FEZF1: variants seen among roughly 807,000 people sequenced by gnomAD.
FEZF1 encodes the protein FEZ family zinc finger 1.
FEZF1 carries 8 observed loss-of-function variants against 32.4 expected under a neutral mutation model. That is an observed-to-expected ratio of 0.25 (90% CI 0.15 to 0.45). FEZF1 has a LOEUF of 0.45. Ranked by LOEUF, FEZF1 falls within the 20% of genes least tolerant of loss-of-function variation. The pLI is 1.00. For missense variants in FEZF1, 546 were observed against 622.3 expected (o/e 0.88, Z 1.31); for synonymous variants, 259 against 265.2 (o/e 0.98, Z 0.23).
Position 122,304,615 on chromosome 7 carries a change from C to A in FEZF1, c.-178G>T. ...GCCTGCCCAGCCCAATGGACTCCTG[C>A]CAGCCCATCGCAGAGTTCTTGGCGC... On this transcript the variant is annotated 5_prime_UTR_variant, in exon 1 of 4. Coordinates refer to ENST00000442488, the MANE Select transcript of FEZF1 (RefSeq NM_001024613.4). 2.1e-6 allele frequency: 1 copy of A among 479,902 alleles called. No homozygotes were observed. The highest frequency in any genetic ancestry group is 3.4e-5 in the East Asian group (1 of 29,822). The allele number at this position is 479,902 out of a possible 1,614,324, so 29.7% of individuals were successfully genotyped here.
Position 122,303,512 on chromosome 7 carries a change from A to G in FEZF1, c.801+125T>C, listed in dbSNP as rs190075869. ...AAGGAAGGAAGGAAGGAAGGAAGGA[A>G]GGAAGGAAGGAAGGAAGGAAGGAAG... On this transcript the variant is annotated intron_variant, in intron 1 of 3. Coordinates refer to ENST00000442488, the MANE Select transcript of FEZF1 (RefSeq NM_001024613.4). 7,248 of 498,080 alleles carry G rather than the reference A, an allele frequency of 0.015. 89 individuals carry two copies. The highest frequency in any genetic ancestry group is 0.056 in the East Asian group (1,532 of 27,486). 30.9% of individuals were successfully genotyped at this position (498,080 alleles called of 1,614,324 possible).
Position 122,302,835 on chromosome 7 carries a change from C to G in FEZF1, c.1033G>C (p.Val345Leu). The change falls in exon 3 of 4, where the codon GTG becomes CTG. Residue 345 changes from valine to leucine, a missense_variant. Around this residue, in one of 3 missense-constraint regions of FEZF1, gnomAD observed 118 missense variants for 188.7 expected, o/e 0.63. Transcript: ENST00000442488. The surrounding 1 kb of genome is among the most constrained non-coding windows in gnomAD (Gnocchi z 4.4). The stretch of plus-strand genomic sequence containing the variant: ...AACCCTTTGCCACAGAATTCACACA[C>G]AAACGGTTTGTAGCCCGCGTGTATT... ...TRIHAGYKPFVCEFCGKGFHQ... is the reference protein window; with the variant it reads ...TRIHAGYKPFLCEFCGKGFHQ... 1 of 1,614,070 alleles carries G rather than the reference C, an allele frequency of 6.2e-7. No homozygotes were observed. Among genetic ancestry groups the G allele is most frequent in the Non-Finnish European group, 8.5e-7 (1 of 1,180,012 alleles).
Position 122,302,381 on chromosome 7 carries a change from T to C in FEZF1, c.1070-26A>G, listed in dbSNP as rs919997392. 1 of 1,609,182 alleles carries C rather than the reference T, an allele frequency of 6.2e-7. No individual in the cohort carries two copies. The highest frequency in any genetic ancestry group is 1.7e-5 in the Admixed American group (1 of 59,712). ...CTGAAACACACAAATGACAGGAATA[T>C]GGTTCTGAAAAAAAAAATAGCTTAA... On this transcript the variant is annotated intron_variant, in intron 3 of 3. Coordinates refer to ENST00000442488, the MANE Select transcript of FEZF1 (RefSeq NM_001024613.4). The surrounding 1 kb of genome is among the most constrained non-coding windows in gnomAD (Gnocchi z 4.4).
At chr7:122,303,456 A>C in intron 1 of FEZF1, 145 bp from the exon 2 acceptor site, 1 of 1,052,226 alleles carries the variant, frequency 9.5e-7, no homozygotes, top group South Asian at 1.6e-5. Flanking sequence ...GGAGGAAGGA[A>C]AGGAGGAGCG....
chr7:122,310,494 C>G (rs1478977098), exon 1 of FEZF1: 2 of 152,292 alleles, frequency 1.3e-5, no homozygotes, highest in Non-Finnish European at 2.9e-5. Context: ...GTGACGTTGG[C>G]AAGGCCGAGG....
At chr7:122,308,709 A>G (rs1315307521), upstream of FEZF1, among the ~76,000 whole-genome samples, 2 of 152,134 alleles carry the variant, frequency 1.3e-5, no homozygotes, top group Non-Finnish European at 2.9e-5. Context: ...TAGTTCATTG[A>G]CTTGTCCCTG....
Position 122,302,404 on chromosome 7 carries a change from TA to T in FEZF1, c.1070-50del. On this transcript the variant is annotated intron_variant, in intron 3 of 3. Transcript: ENST00000442488. The surrounding 1 kb of genome is among the most constrained non-coding windows in gnomAD (Gnocchi z 4.4). ...TATGGTTCTGAAAAAAAAAATAGCT[TA>T]AAAAGGGAGGAGCAGACACGTGGAA... 6.2e-7 allele frequency: 1 copy of T among 1,609,816 alleles called. No individual in the cohort carries two copies. Among genetic ancestry groups the T allele is most frequent in the Non-Finnish European group, 8.5e-7 (1 of 1,179,134 alleles).
Position 122,301,962 on chromosome 7 carries a change from G to A in FEZF1, c.*35C>T, listed in dbSNP as rs1727443088. The A allele has an allele frequency of 1.3e-6, 2 of 1,550,452 alleles. No homozygotes were observed. The highest frequency in any genetic ancestry group is 1.2e-5 in the South Asian group (1 of 84,330). On this transcript the variant is annotated 3_prime_UTR_variant, in exon 4 of 4. Coordinates refer to ENST00000442488, the MANE Select transcript of FEZF1 (RefSeq NM_001024613.4). ...TAGTCTGCCGCTGCCTCAGCGTGGG[G>A]GCACGGCTGAGGCTGGGAGGACCCT...
rs11760936 is a variant in FEZF1 at position 122,302,483 on chromosome 7, G to T, written c.1070-128C>A. On this transcript the variant is annotated intron_variant, in intron 3 of 3. Transcript: ENST00000442488. The surrounding 1 kb of genome is among the most constrained non-coding windows in gnomAD (Gnocchi z 4.4). ...CCACAGGTCCCACAACAAGTGCAGG[G>T]CTACTATCTGTGCCTGCACTTGTCT... 7.2e-7 allele frequency: 1 copy of T among 1,385,150 alleles called. No homozygotes were observed. Among genetic ancestry groups the T allele is most frequent in the African/African-American group, 1.5e-5 (1 of 68,610 alleles). 85.8% of individuals were successfully genotyped at this position (1,385,150 alleles called of 1,614,324 possible).
upstream of FEZF1, chr7:122,305,601 C>A (rs1239851579): frequency 1.3e-5 from 2 of 152,268 alleles, no homozygotes; most frequent in Non-Finnish European, 2.9e-5. Flanking sequence ...TCCGAGTTTC[C>A]ATTGAGAGTC....
At position 122,302,955 on chromosome 7, in the gene FEZF1, G is replaced by A. The variant is rs761716274; in HGVS notation, c.937-24C>T. The A allele has an allele frequency of 1.3e-6, 2 of 1,590,282 alleles. No individual in the cohort carries two copies. Among genetic ancestry groups the A allele is most frequent in the Non-Finnish European group, 1.7e-6 (2 of 1,169,118 alleles). On this transcript the variant is annotated intron_variant, in intron 2 of 3. Coordinates refer to ENST00000442488, the MANE Select transcript of FEZF1 (RefSeq NM_001024613.4). This position sits in a 1 kb window ranked among gnomAD's most constrained non-coding sequence, Gnocchi z 4.4. ...TCCTAAGCAGGAGAAAGGAAAAGCA[G>A]AGACATTTAGATATTTTCTAATTAT...
At chr7:122,303,382 G>T in intron 1 of FEZF1, 71 bp from the exon 2 acceptor site, 2 of 1,564,186 alleles carry the variant, frequency 1.3e-6, no homozygotes, top group Non-Finnish European at 1.8e-6. Context: ...GCAGAGAGAG[G>T]GTAGGAGGAA....
At chr7:122,309,079 A>G (rs555853619), upstream of FEZF1, among the ~76,000 whole-genome samples, 3 of 152,352 alleles carry the variant, frequency 2.0e-5, no homozygotes, top group African/African-American at 7.2e-5. Flanking sequence ...GCAAAGGTCT[A>G]TAAGGTTCAA....
chr7:122,303,548 AGGAAGGAG>A (rs1563042269), intron 1 of FEZF1, 81 bp downstream of exon 1: 44 of 305,728 alleles, frequency 1.4e-4, no homozygotes, highest in African/African-American at 4.8e-4. Flanking sequence ...GAGGGAGGGA[AGGAAGGAG>A]GGAAGGAGGG....
Position 122,304,730 on chromosome 7 carries a change from T to C in FEZF1, c.-293A>G. ...GCCAAGATCTCGCCAATCGTTAACTTCCAAGAGGAGAAGGTAAACTAGATA... is the reference window on the plus strand; with the variant it reads ...GCCAAGATCTCGCCAATCGTTAACTCCCAAGAGGAGAAGGTAAACTAGATA... On this transcript the variant is annotated 5_prime_UTR_variant, in exon 1 of 4. Transcript: ENST00000442488. The C allele has an allele frequency of 2.7e-6, 1 of 371,086 alleles. No homozygotes were observed. Among genetic ancestry groups the C allele is most frequent in the Non-Finnish European group, 5.0e-6 (1 of 199,442 alleles). 23.0% of individuals were successfully genotyped at this position (371,086 alleles called of 1,614,324 possible). A position where few individuals can be genotyped will look rare whatever the true frequency, so the allele number is the denominator to read the frequency against.
In FEZF1 at chr7:122,303,300, C is replaced by A. The variant is rs570653515; in HGVS notation, c.813G>T (p.Ala271=). ...TCEVCGKVFN[A]HYNLTRHMPV... is the part of the protein sequence containing the mutation. ...GCATGTGACGGGTTAAGTTATAGTG[C>A]GCATTAAAGACCTTAAAATTAAACA... The change falls in exon 2 of 4, where the codon GCG becomes GCT. Residue 271 remains alanine (A), a synonymous_variant. Coordinates refer to ENST00000442488, the MANE Select transcript of FEZF1 (RefSeq NM_001024613.4). 7 of 1,613,878 alleles carry A rather than the reference C, an allele frequency of 4.3e-6. No individual in the cohort carries two copies. The South Asian group carries it at 5.5e-5, about 13-fold the overall frequency.
upstream of FEZF1, chr7:122,304,802 T>C: frequency 5.1e-6 from 1 of 195,822 alleles, no homozygotes; most frequent in Non-Finnish European, 1.1e-5. Context: ...TTTTTTTTTT[T>C]TCATCTGCAG....
upstream of FEZF1, among the ~76,000 whole-genome samples, chr7:122,308,117 A>G (rs1197287239): frequency 6.6e-6 from 1 of 152,230 alleles, no homozygotes; most frequent in East Asian, 1.9e-4. Flanking sequence ...GCAAAATAGA[A>G]ACTCTTACAG....
rs751063817 is a variant in FEZF1 at position 122,303,925 on chromosome 7, G to A, written c.513C>T (p.His171=). Residue 171 remains histidine (H), a synonymous_variant, in exon 1 of 4, where the codon CAC becomes CAT. Coordinates refer to ENST00000442488, the MANE Select transcript of FEZF1 (RefSeq NM_001024613.4). The part of the protein sequence containing the change: ...CYLNRGDGPC[H]PAAGVNIHPV... ...GGTGGATGTTCACGCCGGCTGCCGG[G>A]TGGCATGGGCCGTCACCTCGGTTCA... The A allele has an allele frequency of 6.2e-7, 1 of 1,611,778 alleles. No individual in the cohort carries two copies. Among genetic ancestry groups the A allele is most frequent in the Admixed American group, 1.7e-5 (1 of 59,628 alleles).
Sources: gnomAD v4.1 joint callset for allele counts (sites outside exome capture counted in the v4.1 genomes callset) on GRCh38, gnomAD v4.1.1 for gene constraint, gnomAD v4.1.1 regional missense constraint, Gnocchi (gnomAD v3.1) non-coding constraint, MANE v1.5 for transcripts, NCBI Gene and HGNC (gene_info 2026-07-23, HGNC 2026-07-21) for gene names.